The following ZNF431 variants were observed in gnomAD, a reference collection of about 807,000 sequenced individuals.
ZNF431 encodes zinc finger protein 431.
A neutral mutation model predicts 57.0 loss-of-function variants in ZNF431; 34 were observed. That is an observed-to-expected ratio of 0.60 (90% CI 0.45 to 0.79). The LOEUF is 0.79. Ranked by LOEUF, ZNF431 falls within the 30% of genes least tolerant of loss-of-function variation. ZNF431 has a pLI of 0.00. For missense variants in ZNF431, 607 were observed against 667.1 expected, an observed-to-expected ratio of 0.91 and a Z score of 0.99; for synonymous variants, 207 against 220.3, an observed-to-expected ratio of 0.94 and a Z score of 0.54.
At chr19:21,157,319 G>A (rs1021647906) in intron 2 of ZNF431, among the ~76,000 whole-genome samples, 4 of 151,574 alleles carry the variant, frequency 2.6e-5, no homozygotes, top group African/African-American at 9.7e-5. Flanking sequence ...TGTATTTTTA[G>A]TAGAGACAGA....
chr19:21,165,468 A>G (rs946217861), intron 2 of ZNF431, among the ~76,000 whole-genome samples: 2 of 152,242 alleles, frequency 1.3e-5, no homozygotes, highest in Non-Finnish European at 2.9e-5. Context: ...AATTCAGTCT[A>G]TAATTGACTT....
At position 21,190,973 on chromosome 19, in the gene ZNF431, T is replaced by G. The variant is rs1971499304; in HGVS notation, c.*6939T>G. On this transcript the variant is annotated 3_prime_UTR_variant, in exon 5 of 5. Transcript: ENST00000311048. ...GTCCGGCCTATTATTTTTAATAATTTTTTATTGTTGTCATTTTAAATACAC... is the reference window on the plus strand; with the variant it reads ...GTCCGGCCTATTATTTTTAATAATTGTTTATTGTTGTCATTTTAAATACAC... 1 of 152,122 alleles carries G rather than the reference T, an allele frequency of 6.6e-6. No homozygotes were observed. The allele number at this position is 152,122 out of a possible 1,614,324, so 9.4% of individuals were successfully genotyped here. A position where few individuals can be genotyped will look rare whatever the true frequency, so the allele number is the denominator to read the frequency against.
chr19:21,143,982 C>G (rs1490207939), intron 2 of ZNF431, among the ~76,000 whole-genome samples: 1 of 151,786 alleles, frequency 6.6e-6, no homozygotes, highest in Admixed American at 6.6e-5. Flanking sequence ...TGCAGTGTCT[C>G]CTGTATGGGT....
Position 21,184,001 on chromosome 19 carries a change from T to G in ZNF431, c.1698T>G (p.Thr566=). 1 of 1,575,512 alleles carries G rather than the reference T, an allele frequency of 6.3e-7. No individual in the cohort carries two copies. Among genetic ancestry groups the G allele is most frequent in the East Asian group, 2.2e-5 (1 of 44,726 alleles). ...IKQNNSYWRE[T]LQMSRMWESL ...AAAATAATTCATACTGGAGAGAAAC[T>G]CTACAAATGTCAAGAATGTGGGAAA... Residue 566 remains threonine (T), a synonymous_variant, in exon 5 of 5, where the codon ACT becomes ACG. Coordinates refer to ENST00000311048, the MANE Select transcript of ZNF431 (RefSeq NM_133473.4).
In ZNF431 at chr19:21,190,031, TGG is replaced by T. The variant is rs1260281784; in HGVS notation, c.*5998_*5999del. On this transcript the variant is annotated 3_prime_UTR_variant, in exon 5 of 5. Coordinates refer to ENST00000311048, the MANE Select transcript of ZNF431 (RefSeq NM_133473.4). Reference sequence around the variant, plus strand: ...AAACAAAAAACACCTCAGCTGGGTGTGGTGGTGCAGGCCTGTAATCTCAGCTA... The same window carrying T: ...AAACAAAAAACACCTCAGCTGGGTGTTGGTGCAGGCCTGTAATCTCAGCTA... 1 of 384,572 alleles carries T rather than the reference TGG, an allele frequency of 2.6e-6. No individual in the cohort carries two copies. The highest frequency in any genetic ancestry group is 2.1e-5 in the African/African-American group (1 of 48,176). 23.8% of individuals were successfully genotyped at this position (384,572 alleles called of 1,614,324 possible).
intron 2 of ZNF431, among the ~76,000 whole-genome samples, chr19:21,159,821 A>G (rs997496063): frequency 6.6e-6 from 1 of 152,044 alleles, no homozygotes; most frequent in Non-Finnish European, 1.5e-5. Flanking sequence ...TTATTAGGCT[A>G]TTTATTACTA....
intron 2 of ZNF431, among the ~76,000 whole-genome samples, chr19:21,152,860 C>T (rs1970314974): frequency 6.6e-6 from 1 of 151,996 alleles, no homozygotes; most frequent in Non-Finnish European, 1.5e-5. Flanking sequence ...AAGATGTTAC[C>T]GGAAAGAAGT....
At chr19:21,179,857 G>T (rs989269262) in intron 4 of ZNF431, among the ~76,000 whole-genome samples, 4 of 152,142 alleles carry the variant, frequency 2.6e-5, no homozygotes, top group Admixed American at 6.5e-5. Context: ...ACCACGCCCG[G>T]CTACATTGTC....
At position 21,185,182 on chromosome 19, in the gene ZNF431, A is replaced by G. The variant is rs1914327833; in HGVS notation, c.*1148A>G. ...TATAAGGTACTGACACTTCAGATAT[A>G]CTAAATCAGAGTGCTAAGTATAGAA... On this transcript the variant is annotated 3_prime_UTR_variant, in exon 5 of 5. Transcript: ENST00000311048. The G allele has an allele frequency of 6.6e-6, 1 of 152,236 alleles. No individual in the cohort carries two copies. The highest frequency in any genetic ancestry group is 2.4e-5 in the African/African-American group (1 of 41,472). The allele number at this position is 152,236 out of a possible 1,614,324, so 9.4% of individuals were successfully genotyped here.
In ZNF431 at chr19:21,181,614, T is replaced by C. The variant is rs539201677; in HGVS notation, c.320-1009T>C. Among the ~76,000 whole-genome samples, 3 of 152,166 alleles carry C rather than the reference T, an allele frequency of 2.0e-5. No individual in the cohort carries two copies. In the South Asian group the frequency reaches 6.2e-4, roughly 32 times the overall value. On this transcript the variant is annotated intron_variant, in intron 4 of 4. Coordinates refer to ENST00000311048, the MANE Select transcript of ZNF431 (RefSeq NM_133473.4). ...TTGTTGAGCTTCTTCATTTTGACAT[T>C]ATTTTTTCTTTCAGAATTTTTTAGT...
chr19:21,150,693 G>A (rs78781667), intron 2 of ZNF431, among the ~76,000 whole-genome samples: 1 of 152,242 alleles, frequency 6.6e-6, no homozygotes, highest in East Asian at 1.9e-4. Context: ...TATTTCCTAG[G>A]TGGTCAAGAT....
chr19:21,184,883 G>C lies in ZNF431; in HGVS notation c.*849G>C, dbSNP rs1203436130. ...AGTTGAACATCACAAATATAAAAAG[G>C]GTTGTAGTGCCTTTACTTGTATCAC... On this transcript the variant is annotated 3_prime_UTR_variant, in exon 5 of 5. Transcript: ENST00000311048. 4 of 152,102 alleles carry C rather than the reference G, an allele frequency of 2.6e-5. No homozygotes were observed. The highest frequency in any genetic ancestry group is 1.3e-4 in the Admixed American group (2 of 15,252). The allele number at this position is 152,102 out of a possible 1,614,324, so 9.4% of individuals were successfully genotyped here.
intron 3 of ZNF431, among the ~76,000 whole-genome samples, chr19:21,167,218 A>G (rs1032490487): frequency 1.3e-5 from 2 of 151,532 alleles, no homozygotes; most frequent in East Asian, 1.9e-4. Flanking sequence ...CTGGAGTGCA[A>G]TGCACTATCT....
In ZNF431 at chr19:21,167,607, T is replaced by A; in HGVS notation, c.260T>A (p.Leu87Gln). The change falls in exon 4 of 5, where the codon CTG (leucine) becomes CAG (glutamine). Residue 87 changes from leucine (L) to glutamine (Q), a missense_variant. Physicochemically the swap from Leu to Gln is moderately radical, Grantham distance 113. Coordinates refer to ENST00000311048, the MANE Select transcript of ZNF431 (RefSeq NM_133473.4). ...TCTAAGCAAGACCCAGTCACCTGTC[T>A]GGAGCAAGAAAAAGAGCCCTGGAAT... ...AVSKQDPVTC[L>Q]EQEKEPWNMK... The A allele has an allele frequency of 6.3e-7, 1 of 1,589,884 alleles. No individual in the cohort carries two copies. The highest frequency in any genetic ancestry group is 8.6e-7 in the Non-Finnish European group (1 of 1,167,818).
intron 2 of ZNF431, chr19:21,149,707 C>T: frequency 1.7e-6 from 1 of 603,124 alleles, no homozygotes. Context: ...GCGATCTGAG[C>T]CACAGACTTG....
In ZNF431 at chr19:21,158,154, T is replaced by TGAA. The variant is rs926463103; in HGVS notation, c.97-8181_97-8180insGAA. ...CCATTTTAATAATATTGATCTTTTC[T>TGAA]ATCTGTGAGCATAACATGTTTTTTT... On this transcript the variant is annotated intron_variant, in intron 2 of 4. Transcript: ENST00000311048. 5.3e-5 allele frequency among the ~76,000 whole-genome samples: 8 copies of TGAA among 152,170 alleles called. 1 individual carries two copies. The highest frequency in any genetic ancestry group is 4.6e-4 in the Admixed American group (7 of 15,266).
rs1971267400 is a variant in ZNF431 at position 21,183,362 on chromosome 19, T to C, written c.1059T>C (p.Phe353=). 1 of 1,613,640 alleles carries C rather than the reference T, an allele frequency of 6.2e-7. No individual in the cohort carries two copies. The highest frequency in any genetic ancestry group is 1.3e-5 in the African/African-American group (1 of 74,888). ...AATGTGAGGAATGTGACAAAGCTTT[T>C]AATCGATTCTCATACCTTACTAAAC... ...PYKCEECDKA[F]NRFSYLTKHK... Residue 353 remains phenylalanine (F), a synonymous_variant, in exon 5 of 5, where the codon TTT becomes TTC. Coordinates refer to ENST00000311048, the MANE Select transcript of ZNF431 (RefSeq NM_133473.4).
chr19:21,177,390 A>G (rs1355180750), intron 4 of ZNF431, among the ~76,000 whole-genome samples: 2 of 152,070 alleles, frequency 1.3e-5, no homozygotes, highest in Admixed American at 6.6e-5. Context: ...GTCTATATGT[A>G]TGTTTTTATA....
chr19:21,180,944 GAA>G (rs926830855), intron 4 of ZNF431, among the ~76,000 whole-genome samples: 4 of 68,062 alleles, frequency 5.9e-5, no homozygotes, highest in African/African-American at 1.0e-4. Context: ...CATATCAAAA[GAA>G]AAAAAAAAAA....
Sources: allele counts gnomAD v4.1 joint callset (sites outside exome capture counted in the v4.1 genomes callset), GRCh38; gene constraint gnomAD v4.1.1; transcripts MANE v1.5; gene names NCBI Gene and HGNC (gene_info 2026-07-23, HGNC 2026-07-21).